MACF1: variants seen among roughly 807,000 people sequenced by gnomAD.
MACF1 encodes the protein microtubule actin crosslinking factor 1.
A neutral mutation model predicts 854.8 loss-of-function variants in MACF1; 193 were observed. The observed-to-expected ratio is 0.23, with a 90% confidence interval of 0.20 to 0.25. MACF1 has a LOEUF of 0.25. MACF1 is among the 10% of genes least tolerant of loss of function. MACF1 has a pLI of 1.00. For synonymous variants in MACF1, 3,185 were observed against 3,226.7 expected (o/e 0.99, Z 0.44); for missense variants, 7,722 against 8,929.1 (o/e 0.86, Z 5.45).
intron 20 of MACF1, 36 bp downstream of exon 20, chr1:39,295,918 A>T (rs376563551): frequency 1.3e-6 from 2 of 1,562,428 alleles, no homozygotes; most frequent in South Asian, 2.3e-5. Context: ...GTGTGTGTAC[A>T]TATGTATGTT....
chr1:39,295,212 A>G, intron 19 of MACF1, 62 bp downstream of exon 19: 4 of 1,370,042 alleles, frequency 2.9e-6, no homozygotes, highest in Non-Finnish European at 4.2e-6. Flanking sequence ...AAAAGTATTC[A>G]AATTAGAGAC....
Position 39,245,391 on chromosome 1 carries a change from G to A in MACF1, c.172-4623G>A, listed in dbSNP as rs539811521. On this transcript the variant is annotated intron_variant, in intron 2 of 100. Coordinates refer to ENST00000564288, the MANE Select transcript of MACF1 (RefSeq NM_001394062.1). ...TGCAACCCCCTCCAGCGCGATTCTC[G>A]TGTCTCAGCCTCCTGAGTAGCTGGG... Among the ~76,000 whole-genome samples the A allele has an allele frequency of 2.6e-4, 39 of 152,120 alleles. No homozygotes were observed. In the East Asian group the frequency reaches 3.1e-3, roughly 12 times the overall value.
Position 39,439,435 on chromosome 1 carries a change from G to A in MACF1, c.18382G>A (p.Val6128Ile). Residue 6128 changes from valine (V) to isoleucine (I), a missense_variant, in exon 72 of 101, where the codon GTC (valine) becomes ATC (isoleucine). This residue lies in a region of MACF1 where 2,807 missense variants were observed against 3,235.8 expected (regional missense o/e 0.87). Transcript: ENST00000564288. ...CACCATCAAAGACACCCAGGATATT[G>A]TCCATGACTTGGAAAGCCCAGGCAT... is the stretch of plus-strand genomic sequence containing the variant. ...LTTIKDTQDI[V>I]HDLESPGIDP... is the part of the protein sequence containing the mutation. The A allele has an allele frequency of 2.5e-6, 4 of 1,614,182 alleles. No homozygotes were observed. The highest frequency in any genetic ancestry group is 3.4e-6 in the Non-Finnish European group (4 of 1,180,016).
chr1:39,344,203 G>A (rs1646995589), intron 40 of MACF1, among the ~76,000 whole-genome samples: 1 of 152,094 alleles, frequency 6.6e-6, no homozygotes, highest in African/African-American at 2.4e-5. Flanking sequence ...AAGGCGGGAG[G>A]ATCACCTGAA....
chr1:39,209,106 G>T (rs1306190538), intron 1 of MACF1, among the ~76,000 whole-genome samples: 1 of 151,840 alleles, frequency 6.6e-6, no homozygotes, highest in Non-Finnish European at 1.5e-5. Flanking sequence ...TACAAAATTA[G>T]CAGGATGTAG....
intron 1 of MACF1, among the ~76,000 whole-genome samples, chr1:39,229,738 G>A (rs905680366): frequency 1.1e-4 from 16 of 152,040 alleles, no homozygotes; most frequent in Non-Finnish European, 2.1e-4. Flanking sequence ...AATCTTAGAT[G>A]TTCTTTTTCT....
At chr1:39,248,442 C>T (rs1211730646) in intron 2 of MACF1, among the ~76,000 whole-genome samples, 1 of 152,064 alleles carries the variant, frequency 6.6e-6, no homozygotes, top group Non-Finnish European at 1.5e-5. Flanking sequence ...TGGGCTAAAG[C>T]AGTCCTCCTG....
At chr1:39,328,498 A>G (rs2148463944) in intron 36 of MACF1, 1 of 152,340 alleles carries the variant, frequency 6.6e-6, no homozygotes, top group Admixed American at 6.5e-5. Context: ...ATTAACTGAC[A>G]TCCTTGCTTA....
chr1:39,262,397 C>CAAAAAAAAAA (rs56376033), intron 6 of MACF1, among the ~76,000 whole-genome samples: 15 of 68,790 alleles, frequency 2.2e-4, no homozygotes, highest in South Asian at 8.4e-4. Flanking sequence ...GACTCCATCA[C>CAAAAAAAAAA]AAAAAAAAAA....
At chr1:39,185,029 C>T (rs1209114084) in intron 2 of MACF1, among the ~76,000 whole-genome samples, 3 of 151,920 alleles carry the variant, frequency 2.0e-5, no homozygotes, top group Non-Finnish European at 4.4e-5. Flanking sequence ...TGGTGGCACA[C>T]GCCTGTAATC....
chr1:39,156,069 A>G, intron 2 of MACF1, among the ~76,000 whole-genome samples: 1 of 152,022 alleles, frequency 6.6e-6, no homozygotes. Flanking sequence ...TTGTATTTTT[A>G]GTAGAGATGG....
Position 39,283,590 on chromosome 1 carries a change from T to A in MACF1, c.915+75T>A. On this transcript the variant is annotated intron_variant, in intron 9 of 100. Transcript: ENST00000564288. The surrounding 1 kb of genome is among the most constrained non-coding windows in gnomAD (Gnocchi z 4.5). ...GAAATGCATTGGTTAGACACTTTCTTAAGCACTTATGGTATACTCATGGTA... is the reference window on the plus strand; with the variant it reads ...GAAATGCATTGGTTAGACACTTTCTAAAGCACTTATGGTATACTCATGGTA... 9.8e-7 allele frequency: 1 copy of A among 1,021,098 alleles called. No individual in the cohort carries two copies. Among genetic ancestry groups the A allele is most frequent in the Non-Finnish European group, 1.5e-6 (1 of 648,596 alleles). The allele number at this position is 1,021,098 out of a possible 1,614,324, so 63.3% of individuals were successfully genotyped here. A position where few individuals can be genotyped will look rare whatever the true frequency, so the allele number is the denominator to read the frequency against.
At chr1:39,173,209 G>T (rs1039211462) in intron 2 of MACF1, among the ~76,000 whole-genome samples, 1 of 151,928 alleles carries the variant, frequency 6.6e-6, no homozygotes, top group Non-Finnish European at 1.5e-5. Context: ...ATGTGGTGGC[G>T]CATGCCTGTA....
chr1:39,380,104 C>A lies in MACF1; in HGVS notation c.13519-140C>A, dbSNP rs1202190649. On this transcript the variant is annotated intron_variant, in intron 54 of 100. Transcript: ENST00000564288. Reference sequence around the variant, plus strand: ...AAATTGAAGTAGAAGGGTTAAGTATCTTAACACCACTAAACAAGTCATTGA... The same window carrying A: ...AAATTGAAGTAGAAGGGTTAAGTATATTAACACCACTAAACAAGTCATTGA... 5 of 761,622 alleles carry A rather than the reference C, an allele frequency of 6.6e-6. No individual in the cohort carries two copies. In the African/African-American group the frequency reaches 9.0e-5, roughly 14 times the overall value. The allele number at this position is 761,622 out of a possible 1,614,324, so 47.2% of individuals were successfully genotyped here.
At chr1:39,259,777 T>C (rs1299931212) in intron 6 of MACF1, among the ~76,000 whole-genome samples, 1 of 151,866 alleles carries the variant, frequency 6.6e-6, no homozygotes, top group Non-Finnish European at 1.5e-5. Context: ...CATGCACCAC[T>C]ACACCCGGCT....
chr1:39,140,645 G>A (rs555337032), intron 2 of MACF1, among the ~76,000 whole-genome samples: 3 of 152,228 alleles, frequency 2.0e-5, no homozygotes, highest in South Asian at 2.1e-4. Flanking sequence ...AACTGGGCAC[G>A]GTGGCTCACG....
intron 2 of MACF1, among the ~76,000 whole-genome samples, chr1:39,198,351 A>G (rs972863639): frequency 4.6e-5 from 7 of 151,722 alleles, no homozygotes; most frequent in South Asian, 2.1e-4. Context: ...TCTACTAAAA[A>G]TACAAAAATT....
rs1383926867 is a variant in MACF1, at chr1:39,122,549, G to C, written c.220+38111G>C. Among the ~76,000 whole-genome samples, 4 of 152,104 alleles carry C rather than the reference G, an allele frequency of 2.6e-5. No individual in the cohort carries two copies. In the East Asian group the frequency reaches 5.8e-4, roughly 22 times the overall value. On this transcript the variant is annotated intron_variant, in intron 2 of 93. Coordinates refer to the MACF1 transcript ENST00000361689. Reference sequence around the variant, plus strand: ...ATTACAGGCGTGAGCCACTGTGCTCGGCTGGTAGTACTGTTAAGCGCTAAG... The same window carrying C: ...ATTACAGGCGTGAGCCACTGTGCTCCGCTGGTAGTACTGTTAAGCGCTAAG...
At chr1:39,413,778 C>T in intron 58 of MACF1, 2 of 1,611,954 alleles carry the variant, frequency 1.2e-6, no homozygotes, top group Non-Finnish European at 1.7e-6. Context: ...AATCTGCCTC[C>T]CCAGCTGCTG....
Sources: allele counts gnomAD v4.1 joint callset (sites outside exome capture counted in the v4.1 genomes callset), GRCh38; gene constraint gnomAD v4.1.1; regional missense constraint gnomAD v4.1.1; non-coding constraint Gnocchi (gnomAD v3.1); transcripts MANE v1.5; gene names NCBI Gene and HGNC (gene_info 2026-07-23, HGNC 2026-07-21).